The following DNAH5 variants were observed in gnomAD, a reference collection of about 807,000 sequenced individuals.
The protein encoded by DNAH5 is axonemal beta dynein heavy chain 5.
DNAH5 carries 372 observed loss-of-function variants against 518.2 expected under a neutral mutation model. The observed-to-expected ratio is 0.72, with a 90% CI of 0.66 to 0.78. The LOEUF (loss-of-function observed/expected upper bound fraction) is 0.78. Among genes scored for constraint, DNAH5 ranks in the 30% least tolerant of loss-of-function variants. The pLI is 0.00. For missense variants in DNAH5, 5,523 were observed against 5,687.0 expected, an observed-to-expected ratio of 0.97 and a Z score of 0.93; for synonymous variants, 2,039 against 2,025.9, an observed-to-expected ratio of 1.01 and a Z score of -0.17.
chr5:13,906,376 A>G (rs781624597), intron 12 of DNAH5, among the ~76,000 whole-genome samples: 2 of 152,128 alleles, frequency 1.3e-5, no homozygotes, highest in Non-Finnish European at 2.9e-5. Context: ...GAATATAGTA[A>G]ATCTCTGTAC....
At chr5:13,769,689 T>C in intron 56 of DNAH5, 74 bp from the exon 57 acceptor site, 1 of 1,191,872 alleles carries the variant, frequency 8.4e-7, no homozygotes. Context: ...ACTGGTCCAA[T>C]AATGAGTGGT....
intron 1 of DNAH5, among the ~76,000 whole-genome samples, chr5:13,977,073 G>T (rs575773638): frequency 2.1e-4 from 32 of 152,274 alleles, no homozygotes; most frequent in African/African-American, 7.0e-4. Context: ...CTATTCTGTT[G>T]CTAAGGAGGG....
In DNAH5 at chr5:13,734,020, T is replaced by C. The variant is rs541840181; in HGVS notation, c.11761+1111A>G. Among the ~76,000 whole-genome samples the C allele has an allele frequency of 3.3e-4, 51 of 152,278 alleles. 1 individual carries two copies. The highest frequency in any genetic ancestry group is 1.1e-3 in the African/African-American group (47 of 41,568). ...ATATTGTGTCTCCCCAAAACTCATA[T>C]GTTGAAACCCTATATCTCAATTCTG... is the stretch of plus-strand genomic sequence containing the variant. On this transcript the variant is annotated intron_variant, in intron 68 of 78. Coordinates refer to ENST00000265104, the MANE Select transcript of DNAH5 (RefSeq NM_001369.3).
At chr5:13,836,827 T>C (rs1158428698) in intron 35 of DNAH5, among the ~76,000 whole-genome samples, 1 of 152,186 alleles carries the variant, frequency 6.6e-6, no homozygotes, top group Non-Finnish European at 1.5e-5. Flanking sequence ...CATGAGTCCT[T>C]AAAAGCAGAA....
At position 13,755,541 on chromosome 5, in the gene DNAH5, G is replaced by C. The variant is rs1469048362; in HGVS notation, c.10420-1203C>G. ...TCATCTCCAGGGTTACCTGTATTTT[G>C]TATAGAGACATGAATTGCTTTTGTA... On this transcript the variant is annotated intron_variant, in intron 61 of 78. Transcript: ENST00000265104. 5.3e-5 allele frequency among the ~76,000 whole-genome samples: 8 copies of C among 152,146 alleles called. No individual in the cohort carries two copies. In the East Asian group the frequency reaches 1.5e-3, roughly 29 times the overall value.
At chr5:13,862,300 T>C (rs1278432323) in intron 29 of DNAH5, among the ~76,000 whole-genome samples, 2 of 152,208 alleles carry the variant, frequency 1.3e-5, no homozygotes, top group African/African-American at 4.8e-5. Flanking sequence ...TGCTCTAACA[T>C]GTGCCTGAGG....
At chr5:13,844,762 T>C in intron 32 of DNAH5, 75 bp downstream of exon 32, 1 of 1,595,382 alleles carries the variant, frequency 6.3e-7, no homozygotes, top group Non-Finnish European at 8.6e-7. Flanking sequence ...TAAACCCGTT[T>C]TCGAAGAGCT....
chr5:13,883,047 G>C lies in DNAH5; in HGVS notation c.3031C>G (p.Arg1011Gly). 1 of 1,614,116 alleles carries C rather than the reference G, an allele frequency of 6.2e-7. No homozygotes were observed. Among genetic ancestry groups the C allele is most frequent in the Non-Finnish European group, 8.5e-7 (1 of 1,180,022 alleles). ...NMKQNSLPIF[R>G]ASVTLAIPNI... ...GGAATGGCCAGAGTGACGCTTGCCC[G>C]GAAAATGGGCAAACTGTTCTGCTTC... The change falls in exon 20 of 79, where the codon CGG (arginine) becomes GGG (glycine). Residue 1011 changes from arginine (R) to glycine (G), a missense_variant. By Grantham distance (125) the Arg-to-Gly change is moderately radical. Coordinates refer to ENST00000265104, the MANE Select transcript of DNAH5 (RefSeq NM_001369.3).
intron 5 of DNAH5, among the ~76,000 whole-genome samples, chr5:13,921,886 A>G (rs1317278838): frequency 1.3e-5 from 2 of 152,134 alleles, no homozygotes; most frequent in Non-Finnish European, 2.9e-5. Context: ...AACACTGCCA[A>G]CGTTTTTATG....
intron 38 of DNAH5, among the ~76,000 whole-genome samples, chr5:13,828,388 A>G (rs1353505725): frequency 6.6e-6 from 1 of 152,190 alleles, no homozygotes; most frequent in Admixed American, 6.5e-5. Flanking sequence ...ATTATTTAGC[A>G]TATATTTCTA....
At position 13,916,440 on chromosome 5, in the gene DNAH5, C is replaced by A. The variant is rs762809871; in HGVS notation, c.1105G>T (p.Ala369Ser). ...ATTGCATTTATAAGTGTAGGAATAG[C>A]ATCCATCATGGATAGCTGAAAGATA... is the stretch of plus-strand genomic sequence containing the variant. Reference protein sequence around the residue: ...YSSDPLSMMDAIPTLINAIKM... With the variant: ...YSSDPLSMMDSIPTLINAIKM... The change falls in exon 9 of 79, where the codon GCT becomes TCT. Residue 369 changes from alanine (A) to serine (S), a missense_variant. Ala to Ser is a moderately conservative substitution (Grantham distance 99). Around this residue, in one of 3 missense-constraint regions of DNAH5, gnomAD observed 5,121 missense variants for 5,223.3 expected, o/e 0.98. Transcript: ENST00000265104. The A allele has an allele frequency of 5.8e-6, 9 of 1,552,922 alleles. No individual in the cohort carries two copies. Among genetic ancestry groups the A allele is most frequent in the Non-Finnish European group, 4.4e-6 (5 of 1,127,012 alleles).
Position 13,708,215 on chromosome 5 carries a change from GT to G in DNAH5, c.13245del (p.Lys4415AsnfsTer10). On this transcript the variant is annotated frameshift_variant, in exon 76 of 79. Transcript: ENST00000265104. LOFTEE classifies it high-confidence loss of function. ...ATGATGATGGTGCCATCAATAGCAA[GT>G]TTCAGCTCAGTGAGGGTGCTGCGGA... ...SLVRSTLTELKLAIDGTIIMS... is the reference protein window; with the variant it reads ...SLVRSTLTELXLAIDGTIIMS... 6.2e-7 allele frequency: 1 copy of G among 1,614,172 alleles called. No individual in the cohort carries two copies. The highest frequency in any genetic ancestry group is 8.5e-7 in the Non-Finnish European group (1 of 1,180,018).
intron 1 of DNAH5, among the ~76,000 whole-genome samples, chr5:13,993,737 T>C (rs376293555): frequency 6.6e-6 from 1 of 152,318 alleles, no homozygotes; most frequent in East Asian, 1.9e-4. Context: ...GCTTGCCTAA[T>C]GTACAGACGT....
chr5:13,934,591 T>C lies in DNAH5; in HGVS notation c.58-3347A>G, dbSNP rs78167376. Among the ~76,000 whole-genome samples, 424 of 152,244 alleles carry C rather than the reference T, an allele frequency of 2.8e-3. 5 individuals carry two copies. Among genetic ancestry groups the C allele is most frequent in the African/African-American group, 9.9e-3 (413 of 41,548 alleles). ...AACTTGACTATAAAGGAATAGGGTA[T>C]GGTAGTAATAGAGAGGAAAATTTAG... is the stretch of plus-strand genomic sequence containing the variant. On this transcript the variant is annotated intron_variant, in intron 1 of 78. Transcript: ENST00000265104.
chr5:13,890,225 G>A (rs568887375), intron 17 of DNAH5, among the ~76,000 whole-genome samples: 8 of 152,070 alleles, frequency 5.3e-5, no homozygotes, highest in African/African-American at 1.7e-4. Flanking sequence ...TGGGCAACAC[G>A]ATGAAACCCC....
intron 75 of DNAH5, among the ~76,000 whole-genome samples, chr5:13,713,105 G>GTA (rs1385026817): frequency 4.4e-4 from 49 of 110,302 alleles, no homozygotes; most frequent in African/African-American, 1.3e-3. Context: ...TGGTGTGTGT[G>GTA]TGTATATATA....
chr5:13,920,663 C>T, intron 5 of DNAH5, 46 bp from the exon 6 acceptor site: 1 of 1,608,990 alleles, frequency 6.2e-7, no homozygotes, highest in South Asian at 1.1e-5. Context: ...TTTTGTAAAA[C>T]ACACAGACTG....
At chr5:13,853,141 T>G (rs1026852576) in intron 30 of DNAH5, among the ~76,000 whole-genome samples, 2 of 152,158 alleles carry the variant, frequency 1.3e-5, no homozygotes, top group Non-Finnish European at 2.9e-5. Flanking sequence ...ATCTGGCAGG[T>G]GCCCCTCTCA....
At chr5:13,755,672 G>A (rs1330338101) in intron 61 of DNAH5, among the ~76,000 whole-genome samples, 2 of 152,062 alleles carry the variant, frequency 1.3e-5, no homozygotes, top group Non-Finnish European at 2.9e-5. Context: ...CAGTCCATCG[G>A]AGAGAACCAT....
Sources: gnomAD v4.1 joint callset for allele counts (sites outside exome capture counted in the v4.1 genomes callset) on GRCh38, gnomAD v4.1.1 for gene constraint, gnomAD v4.1.1 regional missense constraint, MANE v1.5 for transcripts, NCBI Gene and HGNC (gene_info 2026-07-23, HGNC 2026-07-21) for gene names.